The following NNT variants were observed in gnomAD, a reference collection of about 807,000 sequenced individuals.
The protein encoded by NNT is NAD(P) transhydrogenase, mitochondrial.
NNT carries 50 observed loss-of-function variants against 104.8 expected under a neutral mutation model. The observed-to-expected ratio is 0.48, with a 90% CI of 0.38 to 0.60. NNT has a LOEUF of 0.60. Ranked by LOEUF, NNT falls within the 20% of genes least tolerant of loss-of-function variation. The probability of loss-of-function intolerance (pLI) is 0.00; values close to 1 mark genes in which losing one functional copy is unlikely to be tolerated. For synonymous variants in NNT, 461 were observed against 490.4 expected (o/e 0.94, Z 0.79); for missense variants, 1,131 against 1,330.7 (o/e 0.85, Z 2.33).
At chr5:43,683,755 T>A (rs1053025943) in intron 19 of NNT, among the ~76,000 whole-genome samples, 2 of 152,242 alleles carry the variant, frequency 1.3e-5, no homozygotes, top group African/African-American at 4.8e-5. Flanking sequence ...TTTAACTAAA[T>A]CTCTATAATA....
intron 19 of NNT, among the ~76,000 whole-genome samples, chr5:43,692,744 CTTTG>C (rs1001123955): frequency 3.3e-5 from 5 of 152,154 alleles, no homozygotes; most frequent in African/African-American, 1.2e-4. Flanking sequence ...TTCTTTCTTT[CTTTG>C]TTTATTTCTT....
chr5:43,644,630 A>G lies in NNT; in HGVS notation c.1118A>G (p.Tyr373Cys). Residue 373 changes from tyrosine (Y) to cysteine (C), a missense_variant, in exon 9 of 22, where the codon TAC (tyrosine) becomes TGC (cysteine). By Grantham distance (194) the Tyr-to-Cys change is radical. Coordinates refer to ENST00000344920, the MANE Select transcript of NNT (RefSeq NM_182977.3). ...YIHKGITHIG[Y>C]TDLPSRMATQ... ...ATTTAGGGAATTACTCACATAGGCTACACAGACCTGCCCAGCCGAATGGCC... is the reference window on the plus strand; with the variant it reads ...ATTTAGGGAATTACTCACATAGGCTGCACAGACCTGCCCAGCCGAATGGCC... The G allele has an allele frequency of 6.2e-7, 1 of 1,613,924 alleles. No individual in the cohort carries two copies. Among genetic ancestry groups the G allele is most frequent in the African/African-American group, 1.3e-5 (1 of 75,046 alleles).
chr5:43,607,694 G>A (rs936511363), intron 1 of NNT, among the ~76,000 whole-genome samples: 9 of 152,152 alleles, frequency 5.9e-5, no homozygotes, highest in Non-Finnish European at 1.2e-4. Context: ...CTCAGGCAAC[G>A]CCTCCCAAAG....
chr5:43,660,862 A>T (rs1038968282), intron 17 of NNT, among the ~76,000 whole-genome samples: 1 of 152,186 alleles, frequency 6.6e-6, no homozygotes, highest in African/African-American at 2.4e-5. Flanking sequence ...GCATGTGGGG[A>T]TTACAATTCG....
intron 17 of NNT, among the ~76,000 whole-genome samples, chr5:43,662,340 T>A (rs1177443937): frequency 2.0e-5 from 3 of 152,184 alleles, no homozygotes; most frequent in African/African-American, 7.2e-5. Context: ...CTCTTCTACG[T>A]GTTCTGCAAT....
chr5:43,696,352 A>T (rs937442046), intron 19 of NNT, among the ~76,000 whole-genome samples: 2 of 152,192 alleles, frequency 1.3e-5, no homozygotes, highest in African/African-American at 4.8e-5. Context: ...GGTCATGCTG[A>T]TACAAGAGGT....
chr5:43,672,013 T>C (rs138525340), intron 17 of NNT, among the ~76,000 whole-genome samples: 2,943 of 152,312 alleles, frequency 0.019, 43 homozygotes, highest in Middle Eastern at 0.054. Flanking sequence ...AAACTTCTCT[T>C]CTCGCTTCAT....
chr5:43,685,845 G>GT (rs1741959565), intron 19 of NNT, among the ~76,000 whole-genome samples: 1 of 152,094 alleles, frequency 6.6e-6, no homozygotes, highest in Non-Finnish European at 1.5e-5. Flanking sequence ...AACTTCTGTT[G>GT]TTGTGTCCCC....
In NNT at chr5:43,609,203, A is replaced by G. The variant is rs1232211027; in HGVS notation, c.8A>G (p.Asn3Ser). The change falls in exon 2 of 22, where the codon AAC (asparagine) becomes AGC (serine). Residue 3 changes from asparagine to serine, a missense_variant. Coordinates refer to ENST00000344920, the MANE Select transcript of NNT (RefSeq NM_182977.3). ...TTGGGAACTCATATCAACATGGCAA[A>G]CCTATTGAAAACAGTGGTGACTGGC... MA[N>S]LLKTVVTGCS... 1 of 1,613,232 alleles carries G rather than the reference A, an allele frequency of 6.2e-7. No homozygotes were observed. Among genetic ancestry groups the G allele is most frequent in the Admixed American group, 1.7e-5 (1 of 59,922 alleles).
At chr5:43,639,791 C>T (rs193204930) in intron 7 of NNT, among the ~76,000 whole-genome samples, 2 of 152,050 alleles carry the variant, frequency 1.3e-5, no homozygotes, top group Non-Finnish European at 2.9e-5. Flanking sequence ...GTCCATGAAC[C>T]AGAAGGGAGC....
chr5:43,663,001 C>T (rs1169423534), intron 17 of NNT, among the ~76,000 whole-genome samples: 1 of 151,720 alleles, frequency 6.6e-6, no homozygotes, highest in Non-Finnish European at 1.5e-5. Flanking sequence ...CTTCCATTAC[C>T]ACTTAACTAT....
intron 2 of NNT, among the ~76,000 whole-genome samples, chr5:43,612,202 T>C (rs1749535939): frequency 6.6e-6 from 1 of 152,228 alleles, no homozygotes; most frequent in Admixed American, 6.5e-5. Flanking sequence ...TCTCTGTGGG[T>C]CTCCCATTTA....
chr5:43,612,857 T>G (rs749508111), intron 2 of NNT, 51 bp from the exon 3 acceptor site: 1 of 1,327,188 alleles, frequency 7.5e-7, no homozygotes, highest in Non-Finnish European at 1.1e-6. Flanking sequence ...AAACATTTTT[T>G]GTTTGTTTTT....
chr5:43,678,512 G>A (rs1286336267), intron 19 of NNT, among the ~76,000 whole-genome samples: 3 of 152,160 alleles, frequency 2.0e-5, no homozygotes, highest in Non-Finnish European at 4.4e-5. Flanking sequence ...TATTAATGGG[G>A]AAATCGGATG....
chr5:43,680,015 T>TA (rs1424801522), intron 19 of NNT, among the ~76,000 whole-genome samples: 2 of 151,932 alleles, frequency 1.3e-5, no homozygotes, highest in Non-Finnish European at 2.9e-5. Context: ...AGTTTTTTTT[T>TA]ACTATAGTAT....
chr5:43,636,829 T>C (rs1313114523), intron 7 of NNT, among the ~76,000 whole-genome samples: 1 of 152,184 alleles, frequency 6.6e-6, no homozygotes, highest in African/African-American at 2.4e-5. Context: ...GAGAGGTAAA[T>C]TATTAAGTTA....
chr5:43,625,357 C>A (rs538285078), intron 6 of NNT, among the ~76,000 whole-genome samples: 1 of 152,034 alleles, frequency 6.6e-6, no homozygotes, highest in Non-Finnish European at 1.5e-5. Context: ...TAGAAAAATA[C>A]AAAAACTCAA....
intron 5 of NNT, among the ~76,000 whole-genome samples, chr5:43,621,420 C>T (rs1030617710): frequency 2.0e-5 from 3 of 152,096 alleles, no homozygotes; most frequent in Non-Finnish European, 4.4e-5. Flanking sequence ...ATATGCGAGG[C>T]ATTGTTCTAG....
intron 17 of NNT, among the ~76,000 whole-genome samples, chr5:43,673,052 C>A (rs750444272): frequency 6.6e-6 from 1 of 152,182 alleles, no homozygotes; most frequent in Non-Finnish European, 1.5e-5. Context: ...TAGCAATGAG[C>A]GAGGCTCTGT....
Sources: allele counts gnomAD v4.1 joint callset (sites outside exome capture counted in the v4.1 genomes callset), GRCh38; gene constraint gnomAD v4.1.1; transcripts MANE v1.5; gene names NCBI Gene and HGNC (gene_info 2026-07-23, HGNC 2026-07-21).